The following FGF14 variants were observed in gnomAD, a reference collection of about 807,000 sequenced individuals.
The protein encoded by FGF14 is fibroblast growth factor 14.
In FGF14, 5 loss-of-function variants were observed where a neutral mutation model predicts 25.5. The observed-to-expected ratio is 0.20, with a 90% CI of 0.10 to 0.41. The LOEUF (loss-of-function observed/expected upper bound fraction) is 0.41, where lower values mean the gene tolerates loss of function less well. Among genes scored for constraint, FGF14 ranks in the 10% least tolerant of loss-of-function variants. The pLI, the probability that FGF14 is intolerant of heterozygous loss-of-function variation, is 1.00. For synonymous variants in FGF14, 138 were observed against 118.3 expected (o/e 1.17, Z -1.08); for missense variants, 222 against 320.1 (o/e 0.69, Z 2.34).
At chr13:101,897,864 T>C (rs1303497420) in intron 1 of FGF14, among the ~76,000 whole-genome samples, 1 of 152,142 alleles carries the variant, frequency 6.6e-6, no homozygotes, top group Non-Finnish European at 1.5e-5. Context: ...AAAGTAAATG[T>C]TCATTGAAGC....
chr13:102,124,157 A>G (rs2140376885), intron 1 of FGF14, among the ~76,000 whole-genome samples: 1 of 152,308 alleles, frequency 6.6e-6, no homozygotes, highest in African/African-American at 2.4e-5. Context: ...AAGAGGGGAA[A>G]GAATAGAAAG....
chr13:102,025,304 T>A (rs758386015), intron 1 of FGF14, among the ~76,000 whole-genome samples: 1 of 151,778 alleles, frequency 6.6e-6, no homozygotes, highest in African/African-American at 2.4e-5. Flanking sequence ...CATATTGACA[T>A]GTTAAGAATA....
intron 1 of FGF14, among the ~76,000 whole-genome samples, chr13:101,966,815 C>T (rs374085106): frequency 6.6e-6 from 1 of 152,098 alleles, no homozygotes. Flanking sequence ...GTTGTTGATG[C>T]TTTCTTAGGG....
Position 101,717,548 on chromosome 13 carries a change from T to C in FGF14, c.*5283A>G, listed in dbSNP as rs1420401277. ...TGCACAGACATTGGAATTCATTACATTATCTAGCCATCGTAATACAAATGA... is the reference window on the plus strand; with the variant it reads ...TGCACAGACATTGGAATTCATTACACTATCTAGCCATCGTAATACAAATGA... On this transcript the variant is annotated 3_prime_UTR_variant, in exon 5 of 5. Coordinates refer to ENST00000376143, the MANE Select transcript of FGF14 (RefSeq NM_004115.4). 6.6e-6 allele frequency: 1 copy of C among 152,150 alleles called. No individual in the cohort carries two copies. The highest frequency in any genetic ancestry group is 2.4e-5 in the African/African-American group (1 of 41,442). The allele number at this position is 152,150 out of a possible 1,614,324, so 9.4% of individuals were successfully genotyped here. A position where few individuals can be genotyped will look rare whatever the true frequency, so the allele number is the denominator to read the frequency against.
intron 3 of FGF14, among the ~76,000 whole-genome samples, chr13:101,770,887 C>T (rs1165879932): frequency 6.6e-6 from 1 of 151,980 alleles, no homozygotes; most frequent in African/African-American, 2.4e-5. Context: ...AAGGAACTAA[C>T]TTATTGAGGA....
chr13:102,191,057 G>C (rs2049101038), intron 1 of FGF14, among the ~76,000 whole-genome samples: 2 of 152,146 alleles, frequency 1.3e-5, no homozygotes, highest in African/African-American at 4.8e-5. Flanking sequence ...CTTACCAGTT[G>C]TTATTATTTG....
chr13:102,337,434 C>G (rs572096918), intron 1 of FGF14, among the ~76,000 whole-genome samples: 2 of 152,120 alleles, frequency 1.3e-5, no homozygotes, highest in Non-Finnish European at 1.5e-5. Flanking sequence ...AATGAGAAAG[C>G]ATTTCTTATG....
At chr13:102,046,794 T>G (rs2042003767) in intron 1 of FGF14, among the ~76,000 whole-genome samples, 1 of 152,214 alleles carries the variant, frequency 6.6e-6, no homozygotes, top group Non-Finnish European at 1.5e-5. Context: ...TTTAAAAATG[T>G]AAATAAATGC....
intron 1 of FGF14, among the ~76,000 whole-genome samples, chr13:102,166,155 G>T: frequency 1.3e-5 from 2 of 149,042 alleles, no homozygotes; most frequent in Middle Eastern, 3.5e-3. Flanking sequence ...ACTACTCTAG[G>T]TATGTAAGTA....
chr13:102,344,217 C>CT (rs1405528143), intron 1 of FGF14, among the ~76,000 whole-genome samples: 6 of 152,170 alleles, frequency 3.9e-5, no homozygotes, highest in Non-Finnish European at 7.3e-5. Flanking sequence ...AATCAAATCA[C>CT]TTAGATGTCA....
intron 1 of FGF14, among the ~76,000 whole-genome samples, chr13:102,014,026 A>G (rs1481575279): frequency 6.6e-6 from 1 of 152,156 alleles, no homozygotes; most frequent in Non-Finnish European, 1.5e-5. Context: ...CAACAAATTT[A>G]AAAATCTATA....
intron 1 of FGF14, among the ~76,000 whole-genome samples, chr13:102,389,860 T>TA (rs2058391423): frequency 6.6e-6 from 1 of 152,186 alleles, no homozygotes; most frequent in South Asian, 2.1e-4. Context: ...CTCTGAGTGA[T>TA]AAAATCCCCT....
chr13:102,377,612 C>T (rs934747881), intron 1 of FGF14, among the ~76,000 whole-genome samples: 17 of 152,122 alleles, frequency 1.1e-4, no homozygotes, highest in African/African-American at 4.1e-4. Flanking sequence ...AATTCAAGAC[C>T]AGCCTGACCA....
intron 1 of FGF14, among the ~76,000 whole-genome samples, chr13:102,104,623 C>A (rs1334603769): frequency 1.3e-5 from 2 of 151,952 alleles, no homozygotes; most frequent in Non-Finnish European, 2.9e-5. Context: ...AAAAAATACA[C>A]ACACACACAC....
chr13:101,956,776 A>AAAG (rs1318778419), intron 1 of FGF14, among the ~76,000 whole-genome samples: 1 of 151,342 alleles, frequency 6.6e-6, no homozygotes, highest in Non-Finnish European at 1.5e-5. Flanking sequence ...ACCAAAAAAA[A>AAAG]AAAAAAAGAA....
Position 101,722,976 on chromosome 13 carries a change from G to A in FGF14, c.608-9C>T. Reference sequence around the variant, plus strand: ...TTCTCGGTACATGGCAACTAGTGATGGGAAGAAAGGAGGAGGAAAAGCAAA... The same window carrying A: ...TTCTCGGTACATGGCAACTAGTGATAGGAAGAAAGGAGGAGGAAAAGCAAA... On this transcript the variant is annotated splice_polypyrimidine_tract_variant and intron_variant, in intron 4 of 4. Transcript: ENST00000376143. 6.2e-7 allele frequency: 1 copy of A among 1,612,694 alleles called. No homozygotes were observed. The highest frequency in any genetic ancestry group is 1.3e-5 in the African/African-American group (1 of 74,556).
At chr13:101,737,755 G>T (rs2036284163) in intron 3 of FGF14, among the ~76,000 whole-genome samples, 1 of 151,832 alleles carries the variant, frequency 6.6e-6, no homozygotes, top group African/African-American at 2.4e-5. Flanking sequence ...CTCTCCTTAG[G>T]CCTATGTGTA....
chr13:102,207,917 A>G (rs2050004292), intron 1 of FGF14, among the ~76,000 whole-genome samples: 1 of 152,214 alleles, frequency 6.6e-6, no homozygotes, highest in Admixed American at 6.5e-5. Context: ...AAATCACATC[A>G]GCTCATAAAT....
intron 3 of FGF14, among the ~76,000 whole-genome samples, chr13:101,822,943 T>C (rs1176315542): frequency 6.6e-6 from 1 of 152,216 alleles, no homozygotes; most frequent in East Asian, 1.9e-4. Flanking sequence ...ACATTAGATT[T>C]TTTTTTAAGC....
Sources: allele counts gnomAD v4.1 joint callset (sites outside exome capture counted in the v4.1 genomes callset), GRCh38; gene constraint gnomAD v4.1.1; transcripts MANE v1.5; gene names NCBI Gene and HGNC (gene_info 2026-07-23, HGNC 2026-07-21).